The following ENTREP2 variants were observed in gnomAD, a reference collection of about 807,000 sequenced individuals.
ENTREP2 encodes protein ENTREP2.
chr15:29,303,334 T>C, the ENTREP2 span, among the ~76,000 whole-genome samples: 2 of 152,246 alleles, frequency 1.3e-5, no homozygotes, highest in Non-Finnish European at 2.9e-5. Flanking sequence ...TTAGTTGATG[T>C]AGTCAGCTGC....
the ENTREP2 span, among the ~76,000 whole-genome samples, chr15:29,272,332 C>T: frequency 6.6e-6 from 1 of 152,172 alleles, no homozygotes; most frequent in Non-Finnish European, 1.5e-5. Flanking sequence ...TAACCGACAA[C>T]AGCCAATGAT....
chr15:29,316,283 G>T, the ENTREP2 span, among the ~76,000 whole-genome samples: 4 of 151,994 alleles, frequency 2.6e-5, no homozygotes, highest in Admixed American at 6.6e-5. Context: ...TTTCCTGAAG[G>T]ATAATCAAGA....
chr15:29,564,086 TAGG>T, the ENTREP2 span, among the ~76,000 whole-genome samples: 1 of 152,294 alleles, frequency 6.6e-6, no homozygotes, highest in East Asian at 1.9e-4. Context: ...CCTGATCTAT[TAGG>T]AGGAAGTTCC....
chr15:29,278,113 TCCCACCCCCAC>T, the ENTREP2 span, among the ~76,000 whole-genome samples: 3 of 151,138 alleles, frequency 2.0e-5, no homozygotes, highest in Admixed American at 6.6e-5. Flanking sequence ...GCCTCTCTGA[TCCCACCCCCAC>T]CCCACTGCAG....
At chr15:29,674,199 C>A in the ENTREP2 span, among the ~76,000 whole-genome samples, 6 of 149,866 alleles carry the variant, frequency 4.0e-5, no homozygotes, top group Non-Finnish European at 8.9e-5. Flanking sequence ...GTATCAACTC[C>A]TCGCTACCCC....
chr15:29,488,286 T>TA, the ENTREP2 span, among the ~76,000 whole-genome samples: 1 of 152,146 alleles, frequency 6.6e-6, no homozygotes, highest in African/African-American at 2.4e-5. Flanking sequence ...TGAATTTTTT[T>TA]AAAAATCACT....
the ENTREP2 span, among the ~76,000 whole-genome samples, chr15:29,666,077 G>A: frequency 3.4e-4 from 51 of 151,638 alleles, no homozygotes; most frequent in African/African-American, 1.1e-3. Context: ...GGCTGGTCTC[G>A]AACTCCTGAC....
the ENTREP2 span, among the ~76,000 whole-genome samples, chr15:29,623,377 T>G: frequency 7.9e-5 from 12 of 152,298 alleles, no homozygotes; most frequent in African/African-American, 2.9e-4. Flanking sequence ...TTTACTCAGC[T>G]TCATCCTCAC....
chr15:29,512,308 C>G, the ENTREP2 span, among the ~76,000 whole-genome samples: 4 of 152,152 alleles, frequency 2.6e-5, no homozygotes, highest in African/African-American at 9.7e-5. Flanking sequence ...TATGGAGTAC[C>G]TAACAAGTCC....
At chr15:29,444,180 A>AC in the ENTREP2 span, among the ~76,000 whole-genome samples, 12,296 of 70,434 alleles carry the variant, frequency 0.17, 1,547 homozygotes, top group South Asian at 0.21. Context: ...CAAAGAAAGA[A>AC]AGAAAGAAAG....
At chr15:29,302,033 G>T in the ENTREP2 span, among the ~76,000 whole-genome samples, 2 of 152,080 alleles carry the variant, frequency 1.3e-5, no homozygotes, top group Admixed American at 1.3e-4. Flanking sequence ...GACACCCGGG[G>T]TCTTTGTTTG....
the ENTREP2 span, among the ~76,000 whole-genome samples, chr15:29,138,793 G>A: frequency 9.2e-5 from 14 of 151,804 alleles, no homozygotes; most frequent in African/African-American, 2.7e-4. Flanking sequence ...AAAACAGTGA[G>A]GTCTCCAAGC....
the ENTREP2 span, among the ~76,000 whole-genome samples, chr15:29,165,979 A>C: frequency 1.3e-5 from 2 of 152,250 alleles, no homozygotes; most frequent in African/African-American, 4.8e-5. Flanking sequence ...CATCATGATC[A>C]AGTGAGTTTC....
the ENTREP2 span, among the ~76,000 whole-genome samples, chr15:29,327,751 TG>T: frequency 6.6e-6 from 1 of 152,304 alleles, no homozygotes; most frequent in East Asian, 1.9e-4. Flanking sequence ...CCTATCACAA[TG>T]GCTAAAATCC....
At chr15:29,560,235 T>C in the ENTREP2 span, among the ~76,000 whole-genome samples, 6 of 152,206 alleles carry the variant, frequency 3.9e-5, no homozygotes, top group East Asian at 7.7e-4. Flanking sequence ...TTCCACTCCT[T>C]GAAAACAGAG....
chr15:29,235,342 T>G, the ENTREP2 span, among the ~76,000 whole-genome samples: 2 of 152,378 alleles, frequency 1.3e-5, 1 homozygote. Flanking sequence ...CTTTTTTTGC[T>G]GTAAGATATC....
At chr15:29,357,976 G>A in the ENTREP2 span, among the ~76,000 whole-genome samples, 4 of 152,040 alleles carry the variant, frequency 2.6e-5, no homozygotes, top group Non-Finnish European at 4.4e-5. Flanking sequence ...TGAAGAATGC[G>A]GAACACTTGG....
chr15:29,525,514 TAACA>T, the ENTREP2 span, among the ~76,000 whole-genome samples: 2 of 152,068 alleles, frequency 1.3e-5, no homozygotes, highest in Non-Finnish European at 2.9e-5. Context: ...GGTAAATGAG[TAACA>T]AACTGTGGTG....
At chr15:29,591,869 A>AGAAGAAGAAGAG in the ENTREP2 span, among the ~76,000 whole-genome samples, 1 of 96,288 alleles carries the variant, frequency 1.0e-5, no homozygotes, top group Non-Finnish European at 1.8e-5. Flanking sequence ...AAGAAGAAGA[A>AGAAGAAGAAGAG]GAAGAAGAAG....
Sources: gnomAD v4.1 joint callset for allele counts (sites outside exome capture counted in the v4.1 genomes callset) on GRCh38, gnomAD v4.1.1 for gene constraint, MANE v1.5 for transcripts, NCBI Gene and HGNC (gene_info 2026-07-23, HGNC 2026-07-21) for gene names.